Variants in SELENBP1 observed in about 807,000 individuals in gnomAD.
The protein encoded by SELENBP1 is methanethiol oxidase.
Under a neutral mutation model 61.0 loss-of-function variants are expected in SELENBP1, and 71 were observed. That is an observed-to-expected ratio of 1.16 (90% CI 0.96 to 1.42). The LOEUF is 1.42. Ranked by LOEUF, SELENBP1 falls within the 40% of genes most tolerant of loss-of-function variation. The pLI is 0.00. For synonymous variants in SELENBP1, 270 were observed against 238.9 expected (o/e 1.13, Z -1.20); for missense variants, 561 against 605.0 (o/e 0.93, Z 0.76).
In SELENBP1 at chr1:151,364,496, A is replaced by G; in HGVS notation, c.*47T>C. On this transcript the variant is annotated 3_prime_UTR_variant, in exon 12 of 12. Coordinates refer to ENST00000368868, the MANE Select transcript of SELENBP1 (RefSeq NM_003944.4). The stretch of plus-strand genomic sequence containing the variant: ...AGAGCAGAATGAAGCCAGGTCCCCA[A>G]GGAAGTGAGGGCCCAAAATAGGGAG... The G allele has an allele frequency of 6.2e-7, 1 of 1,612,112 alleles. No individual in the cohort carries two copies. The highest frequency in any genetic ancestry group is 8.5e-7 in the Non-Finnish European group (1 of 1,179,112).
In SELENBP1 at chr1:151,366,829, A is replaced by T. The variant is rs778791163; in HGVS notation, c.557T>A (p.Leu186Ter). Residue 186 changes from leucine to a stop codon, truncating the protein, a stop_gained, in exon 6 of 12, where the codon TTG (leucine) becomes TAG (stop). Transcript: ENST00000368868. LOFTEE classifies it high-confidence loss of function. ...AGGCTGGTACCAGAAGTCATAGCCC[A>T]ACGGTGCAGCACCCCCAGGTCTCTC... is the stretch of plus-strand genomic sequence containing the variant. ...TWERPGGAAP[L>*]GYDFWYQPRH... is the part of the protein sequence containing the mutation. The T allele has an allele frequency of 1.9e-6, 3 of 1,614,006 alleles. No individual in the cohort carries two copies. The African/African-American group carries it at 4.0e-5, about 22-fold the overall frequency.
In SELENBP1 at chr1:151,366,342, G is replaced by A. The variant is rs780304785; in HGVS notation, c.776C>T (p.Pro259Leu). 2 of 1,614,186 alleles carry A rather than the reference G, an allele frequency of 1.2e-6. No individual in the cohort carries two copies. Among genetic ancestry groups the A allele is most frequent in the East Asian group, 4.5e-5 (2 of 44,878 alleles). ...IPLEIRFLHN[P>L]DAAQGFVGCA... Reference sequence around the variant, plus strand: ...GCCCACAAAGCCTTGGGCAGCGTCTGGGTTGTGCAGGAAGCGGATCTCCAA... The same window carrying A: ...GCCCACAAAGCCTTGGGCAGCGTCTAGGTTGTGCAGGAAGCGGATCTCCAA... Residue 259 changes from proline to leucine, a missense_variant, in exon 7 of 12, where the codon CCA (proline) becomes CTA (leucine). Physicochemically the swap from Pro to Leu is moderately conservative, Grantham distance 98. Coordinates refer to ENST00000368868, the MANE Select transcript of SELENBP1 (RefSeq NM_003944.4).
Position 151,364,659 on chromosome 1 carries a change from C to G in SELENBP1, c.1303G>C (p.Gly435Arg), listed in dbSNP as rs1252390178. Reference protein sequence around the residue: ...LQVDVDTVKGGLKLNPNFLVD... With the variant: ...LQVDVDTVKGRLKLNPNFLVD... The stretch of plus-strand genomic sequence containing the variant: ...AGGAAGTTGGGGTTCAACTTCAGCC[C>G]TCCTTTTACTGTGTCTACATCAACC... Residue 435 changes from glycine to arginine, a missense_variant, in exon 12 of 12, where the codon GGG (glycine) becomes CGG (arginine). Transcript: ENST00000368868. 3.1e-6 allele frequency: 5 copies of G among 1,610,978 alleles called. No homozygotes were observed. Among genetic ancestry groups the G allele is most frequent in the Admixed American group, 1.7e-5 (1 of 59,760 alleles).
At position 151,372,644 on chromosome 1, in the gene SELENBP1, T is replaced by G. The variant is rs1339046526; in HGVS notation, c.-3A>C. The G allele has an allele frequency of 6.2e-7, 1 of 1,614,200 alleles. No individual in the cohort carries two copies. The highest frequency in any genetic ancestry group is 1.1e-5 in the South Asian group (1 of 91,084). On this transcript the variant is annotated 5_prime_UTR_variant, in exon 1 of 12. Transcript: ENST00000368868. ...TGGAAACCCCTCTCCTTACCCATGC[T>G]GCCGACTGGTACACTTTGATCCCGG... is the stretch of plus-strand genomic sequence containing the variant.
chr1:151,367,017 T>G, intron 5 of SELENBP1, 113 bp from the exon 6 acceptor site: 1 of 1,497,792 alleles, frequency 6.7e-7, no homozygotes, highest in Non-Finnish European at 8.9e-7. Flanking sequence ...TGCCTCTACC[T>G]CCACTGCTGG....
intron 11 of SELENBP1, 66 bp from the exon 12 acceptor site, chr1:151,364,771 AG>A: frequency 6.5e-7 from 1 of 1,526,770 alleles, no homozygotes; most frequent in African/African-American, 1.4e-5. Context: ...CTAAGATTTT[AG>A]GGGAAAGCTC....
intron 4 of SELENBP1, 22 bp downstream of exon 4, chr1:151,368,982 C>T (rs781705956): frequency 6.3e-7 from 1 of 1,589,800 alleles, no homozygotes; most frequent in Admixed American, 1.7e-5. Flanking sequence ...GTCTACTGAG[C>T]TGGCAAGGGC....
In SELENBP1 at chr1:151,364,948, G is replaced by T. The variant is rs1322276542; in HGVS notation, c.1234C>A (p.Gln412Lys). The T allele has an allele frequency of 6.2e-6, 10 of 1,613,978 alleles. No individual in the cohort carries two copies. Among genetic ancestry groups the T allele is most frequent in the Non-Finnish European group, 8.5e-6 (10 of 1,179,962 alleles). The change falls in exon 11 of 12, where the codon CAG (glutamine) becomes AAG (lysine). Residue 412 changes from glutamine to lysine, a missense_variant. Gln to Lys is a moderately conservative substitution (Grantham distance 53). Transcript: ENST00000368868. ...CACCTGATGAGATCAGGGTAAAACTGCTTGTCCCAGGCACTGTACAGCGAC... is the reference window on the plus strand; with the variant it reads ...CACCTGATGAGATCAGGGTAAAACTTCTTGTCCCAGGCACTGTACAGCGAC... ...TTSLYSAWDK[Q>K]FYPDLIREGS...
Position 151,369,476 on chromosome 1 carries a change from A to T in SELENBP1, c.140T>A (p.Val47Glu). The change falls in exon 3 of 12, where the codon GTG (valine) becomes GAG (glutamate). Residue 47 changes from valine (V) to glutamate (E), a missense_variant. Transcript: ENST00000368868. ...CTGGGGAGACTTGGGGTCAACATCCACAGTGGCCAGATAATCTGGGGCCTC... is the reference window on the plus strand; with the variant it reads ...CTGGGGAGACTTGGGGTCAACATCCTCAGTGGCCAGATAATCTGGGGCCTC... ...GTEAPDYLAT[V>E]DVDPKSPQYC... 2.5e-6 allele frequency: 4 copies of T among 1,613,106 alleles called. No individual in the cohort carries two copies. The highest frequency in any genetic ancestry group is 3.4e-6 in the Non-Finnish European group (4 of 1,179,662).
chr1:151,367,089 T>C (rs912572193), intron 5 of SELENBP1, 185 bp from the exon 6 acceptor site: 5 of 1,393,696 alleles, frequency 3.6e-6, no homozygotes, highest in African/African-American at 1.4e-5. Context: ...ATGCCAGTAA[T>C]CCCAGCCCTT....
rs769461837 is a variant in SELENBP1 at position 151,366,857 on chromosome 1, A to T, written c.529T>A (p.Trp177Arg). ...DGETFEVKGTWERPGGAAPLG... is the reference protein window; with the variant it reads ...DGETFEVKGTRERPGGAAPLG... ...GGTGCAGCACCCCCAGGTCTCTCCC[A>T]TGTCCCCTTCACCTCGAACGTCTCC... The change falls in exon 6 of 12, where the codon TGG becomes AGG. Residue 177 changes from tryptophan (W) to arginine (R), a missense_variant. Transcript: ENST00000368868. The T allele has an allele frequency of 6.2e-7, 1 of 1,614,162 alleles. No homozygotes were observed. Among genetic ancestry groups the T allele is most frequent in the Non-Finnish European group, 8.5e-7 (1 of 1,180,020 alleles).
chr1:151,368,081 G>T, intron 5 of SELENBP1, 118 bp downstream of exon 5: 3 of 1,352,024 alleles, frequency 2.2e-6, no homozygotes, highest in South Asian at 1.4e-5. Context: ...CCAGCTCACT[G>T]GTTCTCCTTG....
chr1:151,369,993 A>G (rs2102100330), intron 1 of SELENBP1: 1 of 1,462,136 alleles, frequency 6.8e-7, no homozygotes, highest in East Asian at 2.5e-5. Context: ...AGGTGGACAG[A>G]CAGTCCAGCA....
At chr1:151,370,549 C>T (rs533398491) in intron 1 of SELENBP1, among the ~76,000 whole-genome samples, 41 of 152,178 alleles carry the variant, frequency 2.7e-4, no homozygotes, top group Admixed American at 4.6e-4. Context: ...GGCCTGCCCA[C>T]CAGAGAGATA....
chr1:151,368,797 C>T (rs556292762), intron 4 of SELENBP1, among the ~76,000 whole-genome samples: 1 of 152,354 alleles, frequency 6.6e-6, no homozygotes, highest in East Asian at 1.9e-4. Context: ...TCCCTCTTCT[C>T]CCATGCCCTG....
chr1:151,365,213 G>A lies in SELENBP1; in HGVS notation c.1113C>T (p.Ser371=). ...CCTTGACCACTAGGGGCTCTGGCTG[G>A]GACTTTAGTTCCTCGTCCTCCAGCA... ...VQVLEDEELK[S]QPEPLVVKGK... is the part of the protein sequence containing the mutation. Residue 371 remains serine, a synonymous_variant, in exon 10 of 12, where the codon TCC becomes TCT. Coordinates refer to ENST00000368868, the MANE Select transcript of SELENBP1 (RefSeq NM_003944.4). The A allele has an allele frequency of 2.5e-6, 4 of 1,613,876 alleles. No homozygotes were observed. Among genetic ancestry groups the A allele is most frequent in the African/African-American group, 1.3e-5 (1 of 75,004 alleles).
chr1:151,372,492 G>T (rs1301599244), intron 1 of SELENBP1, 146 bp downstream of exon 1: 2 of 975,704 alleles, frequency 2.0e-6, no homozygotes, highest in Middle Eastern at 3.0e-4. Flanking sequence ...TGGGGGAGGG[G>T]GTGTGCAGAC....
intron 1 of SELENBP1, 147 bp downstream of exon 1, chr1:151,372,491 G>T: frequency 1.0e-6 from 1 of 966,618 alleles, no homozygotes; most frequent in South Asian, 1.4e-5. Flanking sequence ...GTGGGGGAGG[G>T]GGTGTGCAGA....
At position 151,368,225 on chromosome 1, in the gene SELENBP1, A is replaced by G. The variant is rs779096775; in HGVS notation, c.455T>C (p.Leu152Pro). 1 of 1,614,176 alleles carries G rather than the reference A, an allele frequency of 6.2e-7. No individual in the cohort carries two copies. The highest frequency in any genetic ancestry group is 2.2e-5 in the East Asian group (1 of 44,882). The part of the protein sequence containing the change: ...LASGEVMISS[L>P]GDVKGNGKGG... ...TTTGCCATTGCCCTTGACGTCTCCC[A>G]GGGAGCTGATCATCACTTCCCCGCT... The change falls in exon 5 of 12, where the codon CTG becomes CCG. Residue 152 changes from leucine (L) to proline (P), a missense_variant. Transcript: ENST00000368868.
Sources: gnomAD v4.1 joint callset for allele counts (sites outside exome capture counted in the v4.1 genomes callset) on GRCh38, gnomAD v4.1.1 for gene constraint, MANE v1.5 for transcripts, NCBI Gene and HGNC (gene_info 2026-07-23, HGNC 2026-07-21) for gene names.